The following OTOGL variants were observed in gnomAD, a reference collection of about 807,000 sequenced individuals.
OTOGL encodes the protein otogelin like, also known as otogelin-like protein.
A neutral mutation model predicts 318.5 loss-of-function variants in OTOGL; 285 were observed. That is an observed-to-expected ratio of 0.89 (90% CI 0.81 to 0.99). The LOEUF is 0.99. OTOGL is among the 50% of genes least tolerant of loss of function. The pLI, the probability that OTOGL is intolerant of heterozygous loss-of-function variation, is 0.00. For synonymous variants in OTOGL, 987 were observed against 936.5 expected, an observed-to-expected ratio of 1.05 and a Z score of -0.99; for missense variants, 2,899 against 2,845.6, an observed-to-expected ratio of 1.02 and a Z score of -0.43.
In OTOGL at chr12:80,320,552, C is replaced by T. The variant is rs1485913470; in HGVS notation, c.3933C>T (p.His1311=). The change falls in exon 34 of 59, where the codon CAC becomes CAT. Residue 1311 remains histidine (H), a synonymous_variant. Coordinates refer to ENST00000547103, the MANE Select transcript of OTOGL (RefSeq NM_001378609.3). ...SAFHRRATFF[H]HQGLWIPGYS... ...TTCATCGGAGAGCAACATTTTTCCA[C>T]CATCAGGGCCTCTGGATTCCTGGTT... 2.5e-6 allele frequency: 4 copies of T among 1,613,494 alleles called. No individual in the cohort carries two copies. The highest frequency in any genetic ancestry group is 1.7e-5 in the Admixed American group (1 of 59,888).
intron 23 of OTOGL, 112 bp from the exon 24 acceptor site, chr12:80,271,536 T>C: frequency 1.9e-5 from 20 of 1,049,932 alleles, no homozygotes; most frequent in Non-Finnish European, 2.5e-5. Context: ...GCAGCTAACA[T>C]TCTCAAACTC....
At chr12:80,366,512 T>TATATATATATATATATATATATATAGG (rs1890546296) in intron 52 of OTOGL, 62 bp from the exon 53 acceptor site, 1 of 107,184 alleles carries the variant, frequency 9.3e-6, no homozygotes, top group African/African-American at 7.9e-5. Context: ...ATATATAGGT[T>TATATATATATATATATATATATATAGG]ATATATATAT....
At chr12:80,283,655 A>G (rs988984291) in intron 26 of OTOGL, among the ~76,000 whole-genome samples, 2 of 151,988 alleles carry the variant, frequency 1.3e-5, no homozygotes, top group African/African-American at 2.4e-5. Flanking sequence ...AACAGTCTCC[A>G]CTTGAGAATA....
At position 80,358,907 on chromosome 12, in the gene OTOGL, A is replaced by G; in HGVS notation, c.6267+7A>G. 3 of 1,478,324 alleles carry G rather than the reference A, an allele frequency of 2.0e-6. No homozygotes were observed. The highest frequency in any genetic ancestry group is 2.7e-6 in the Non-Finnish European group (3 of 1,099,936). 91.6% of individuals were successfully genotyped at this position (1,478,324 alleles called of 1,614,324 possible). A position where few individuals can be genotyped will look rare whatever the true frequency, so the allele number is the denominator to read the frequency against. On this transcript the variant is annotated splice_region_variant and intron_variant, in intron 52 of 58. Transcript: ENST00000547103. Reference sequence around the variant, plus strand: ...TATGCCAACTTGTGAAGTGGTAAGAACACATATTTTGATTGACTTGTCATA... The same window carrying G: ...TATGCCAACTTGTGAAGTGGTAAGAGCACATATTTTGATTGACTTGTCATA...
intron 17 of OTOGL, among the ~76,000 whole-genome samples, chr12:80,257,106 A>G (rs907143060): frequency 6.6e-6 from 1 of 152,086 alleles, no homozygotes; most frequent in East Asian, 1.9e-4. Context: ...CATAGCTGTT[A>G]ATAACACTCT....
In OTOGL at chr12:80,278,214, T is replaced by C; in HGVS notation, c.2728T>C (p.Cys910Arg). 1 of 1,547,174 alleles carries C rather than the reference T, an allele frequency of 6.5e-7. No individual in the cohort carries two copies. Among genetic ancestry groups the C allele is most frequent in the Non-Finnish European group, 8.7e-7 (1 of 1,144,462 alleles). Reference protein sequence around the residue: ...GKCYVPESCPCIWKDWEYLSG... With the variant: ...GKCYVPESCPRIWKDWEYLSG... ...GTGTTATGTTCCTGAAAGCTGCCCA[T>C]GTATTTGGAAAGATTGGGAGTATCT... The change falls in exon 25 of 59, where the codon TGT becomes CGT. Residue 910 changes from cysteine to arginine, a missense_variant. Transcript: ENST00000547103.
chr12:80,309,303 C>T (rs1440345302), intron 29 of OTOGL, among the ~76,000 whole-genome samples: 1 of 152,034 alleles, frequency 6.6e-6, no homozygotes, highest in Non-Finnish European at 1.5e-5. Flanking sequence ...GATAGAAGTG[C>T]ACACAAAGTG....
At chr12:80,286,129 T>A (rs1251361302) in intron 26 of OTOGL, among the ~76,000 whole-genome samples, 1 of 152,190 alleles carries the variant, frequency 6.6e-6, no homozygotes, top group Non-Finnish European at 1.5e-5. Flanking sequence ...ATTGAAATAA[T>A]CATGTGGTTT....
intron 26 of OTOGL, among the ~76,000 whole-genome samples, chr12:80,292,071 C>A (rs1433206655): frequency 6.6e-6 from 1 of 152,076 alleles, no homozygotes; most frequent in African/African-American, 2.4e-5. Flanking sequence ...TCACCACAAC[C>A]TCCACCTTCT....
Position 80,233,009 on chromosome 12 carries a change from C to T in OTOGL, c.729C>T (p.Leu243=), listed in dbSNP as rs1448603209. The change falls in exon 9 of 59, where the codon CTC becomes CTT. Residue 243 remains leucine (L), a synonymous_variant. Transcript: ENST00000547103. Reference sequence around the variant, plus strand: ...GGGACGGGATATCTGGGATCTACCTCAAGCTGTCTGAGGACCATAAGGGGA... The same window carrying T: ...GGGACGGGATATCTGGGATCTACCTTAAGCTGTCTGAGGACCATAAGGGGA... The part of the protein sequence containing the change: ...LAWDGISGIY[L]KLSEDHKGKS... The T allele has an allele frequency of 6.3e-7, 1 of 1,598,686 alleles. No homozygotes were observed. The highest frequency in any genetic ancestry group is 1.3e-5 in the African/African-American group (1 of 74,904).
At chr12:80,129,961 A>C (rs979117060) in intron 1 of OTOGL, among the ~76,000 whole-genome samples, 1 of 152,184 alleles carries the variant, frequency 6.6e-6, no homozygotes, top group Non-Finnish European at 1.5e-5. Flanking sequence ...GCTAAAAACC[A>C]TGAACTTATT....
chr12:80,130,316 C>T (rs903531150), intron 1 of OTOGL, among the ~76,000 whole-genome samples: 1 of 152,172 alleles, frequency 6.6e-6, no homozygotes, highest in Non-Finnish European at 1.5e-5. Context: ...AGAGAAAACA[C>T]ATCAGCATTT....
At chr12:80,345,014 A>ATATTATATTTTATATATTATAATATATAT (rs1566000880) in intron 44 of OTOGL, among the ~76,000 whole-genome samples, 1 of 139,422 alleles carries the variant, frequency 7.2e-6, no homozygotes, top group African/African-American at 2.6e-5. Context: ...ATATTATTAT[A>ATATTATATTTTATATATTATAATATATAT]TATTATATTT....
chr12:80,319,271 C>A (rs994774438), intron 33 of OTOGL, among the ~76,000 whole-genome samples: 2 of 152,134 alleles, frequency 1.3e-5, no homozygotes, highest in Non-Finnish European at 2.9e-5. Flanking sequence ...ATCCACCTGG[C>A]ACCTGTTCTG....
chr12:80,328,900 C>A (rs1054230201), intron 36 of OTOGL, 151 bp from the exon 37 acceptor site: 13 of 1,000,510 alleles, frequency 1.3e-5, no homozygotes, highest in Non-Finnish European at 1.8e-5. Flanking sequence ...TCCCTAATTA[C>A]TTTTTAAATC....
Position 80,336,002 on chromosome 12 carries a change from A to G in OTOGL, c.4462A>G (p.Ile1488Val). 5 of 1,597,688 alleles carry G rather than the reference A, an allele frequency of 3.1e-6. No individual in the cohort carries two copies. The highest frequency in any genetic ancestry group is 4.5e-5 in the East Asian group (2 of 44,812). ...FDPVYDCSQY[I>V]CLNMEWQLYN... ...TCCTGTTTATGATTGTAGCCAATACATATGCCTTAATATGGAATGGCAGTT... is the reference window on the plus strand; with the variant it reads ...TCCTGTTTATGATTGTAGCCAATACGTATGCCTTAATATGGAATGGCAGTT... The change falls in exon 39 of 59, where the codon ATA becomes GTA. Residue 1488 changes from isoleucine to valine, a missense_variant. This residue lies in a region of OTOGL where 2,607 missense variants were observed against 2,524.9 expected (regional missense o/e 1.03). Transcript: ENST00000547103.
chr12:80,308,140 G>T (rs1420999734), intron 29 of OTOGL, among the ~76,000 whole-genome samples: 1 of 147,626 alleles, frequency 6.8e-6, no homozygotes, highest in Non-Finnish European at 1.5e-5. Context: ...TGGCCGGGCG[G>T]GGGGCTGACA....
At chr12:80,213,569 G>A (rs1021606509) in intron 4 of OTOGL, among the ~76,000 whole-genome samples, 12 of 152,152 alleles carry the variant, frequency 7.9e-5, no homozygotes, top group Non-Finnish European at 1.6e-4. Flanking sequence ...TAGGCAAAGG[G>A]TTGTCTATGG....
intron 44 of OTOGL, among the ~76,000 whole-genome samples, chr12:80,347,345 A>G (rs1297657874): frequency 4.0e-5 from 6 of 150,534 alleles, no homozygotes; most frequent in Non-Finnish European, 5.9e-5. Flanking sequence ...CCCTGTGTCC[A>G]TGTGTTCTTA....
Sources: gnomAD v4.1 joint callset for allele counts (sites outside exome capture counted in the v4.1 genomes callset) on GRCh38, gnomAD v4.1.1 for gene constraint, gnomAD v4.1.1 regional missense constraint, MANE v1.5 for transcripts, NCBI Gene and HGNC (gene_info 2026-07-23, HGNC 2026-07-21) for gene names.